Variants in CELF2 observed in about 807,000 individuals in gnomAD.
The protein encoded by CELF2 is CUGBP Elav-like family member 2.
In CELF2, 8 loss-of-function variants were observed where a neutral mutation model predicts 62.6. The observed-to-expected ratio is 0.13, with a 90% CI of 0.07 to 0.23. The LOEUF is 0.23. Among genes scored for constraint, CELF2 ranks in the 10% least tolerant of loss-of-function variants. The probability of loss-of-function intolerance (pLI) is 1.00; values close to 1 mark genes in which losing one functional copy is unlikely to be tolerated. For synonymous variants in CELF2, 258 were observed against 250.0 expected, an observed-to-expected ratio of 1.03 and a Z score of -0.30; for missense variants, 333 against 671.0, an observed-to-expected ratio of 0.50 and a Z score of 5.56.
At position 10,824,718 on chromosome 10, in the gene CELF2, G is replaced by A. The variant is rs75380866; in HGVS notation, c.53+25901G>A. Among the ~76,000 whole-genome samples the A allele has an allele frequency of 1.1e-3, 160 of 152,346 alleles. 1 individual carries two copies. In the East Asian group the frequency reaches 0.026, roughly 25 times the overall value. On this transcript the variant is annotated intron_variant, in intron 1 of 13. Transcript: ENST00000636488. The stretch of plus-strand genomic sequence containing the variant: ...GTCTCTGTTGCTGCACAGACTGTGC[G>A]TGAATTGCAGCCAGAGGTCAGCTCA...
the CELF2 span, among the ~76,000 whole-genome samples, chr10:10,750,928 C>A: frequency 6.6e-6 from 1 of 152,234 alleles, no homozygotes; most frequent in Non-Finnish European, 1.5e-5. Flanking sequence ...CCAACTTAGA[C>A]ACTAGCATCT....
At chr10:10,885,332 G>T (rs777839690) in intron 1 of CELF2, among the ~76,000 whole-genome samples, 1 of 151,924 alleles carries the variant, frequency 6.6e-6, no homozygotes, top group Non-Finnish European at 1.5e-5. Context: ...GGAGAAAAAT[G>T]CTTTCTAGAA....
the CELF2 span, among the ~76,000 whole-genome samples, chr10:10,639,282 A>G: frequency 6.6e-6 from 1 of 152,222 alleles, no homozygotes; most frequent in Non-Finnish European, 1.5e-5. Context: ...GGTGCTATCA[A>G]TTATGACAAA....
In CELF2 at chr10:10,956,691, G is replaced by T. The variant is rs548336378; in HGVS notation, c.89+36692G>T. Among the ~76,000 whole-genome samples, 5 of 152,246 alleles carry T rather than the reference G, an allele frequency of 3.3e-5. No homozygotes were observed. The East Asian group carries it at 9.7e-4, about 29-fold the overall frequency. On this transcript the variant is annotated intron_variant, in intron 2 of 13. Coordinates refer to the CELF2 transcript ENST00000636488. ...GCTTGTAATCCCAGTGCTTTAGGAG[G>T]CCAAGCCGGAGGATTGCTTGAAGCC...
chr10:11,042,627 A>G (rs556026411), intron 1 of CELF2, among the ~76,000 whole-genome samples: 5 of 152,256 alleles, frequency 3.3e-5, no homozygotes, highest in Admixed American at 2.6e-4. Context: ...CATCATCACT[A>G]TCTTTTCCAG....
chr10:10,720,696 T>C, the CELF2 span, among the ~76,000 whole-genome samples: 1 of 152,246 alleles, frequency 6.6e-6, no homozygotes, highest in Non-Finnish European at 1.5e-5. Flanking sequence ...TAGGTCTGCC[T>C]ATTTAAACCT....
the CELF2 span, among the ~76,000 whole-genome samples, chr10:10,751,588 G>T: frequency 6.6e-6 from 1 of 152,118 alleles, no homozygotes; most frequent in Non-Finnish European, 1.5e-5. Flanking sequence ...ATGAGGCAGG[G>T]CACTGCATTC....
At chr10:11,254,500 T>G (rs931751105) in intron 4 of CELF2, among the ~76,000 whole-genome samples, 1 of 152,190 alleles carries the variant, frequency 6.6e-6, no homozygotes, top group Admixed American at 6.5e-5. Context: ...TGACCTTGAG[T>G]GATGGCTAGG....
At chr10:11,257,670 A>T in intron 4 of CELF2, 68 bp from the exon 5 acceptor site, 2 of 1,564,094 alleles carry the variant, frequency 1.3e-6, no homozygotes, top group Non-Finnish European at 1.7e-6. Context: ...TTGATGGGGT[A>T]ATGAAGCATT....
At chr10:11,226,309 G>C (rs2066514594) in intron 3 of CELF2, among the ~76,000 whole-genome samples, 1 of 152,256 alleles carries the variant, frequency 6.6e-6, no homozygotes, top group Non-Finnish European at 1.5e-5. Flanking sequence ...CAGTTGGGTA[G>C]AACCAGTATG....
chr10:11,023,035 T>C (rs899113476), intron 1 of CELF2, among the ~76,000 whole-genome samples: 16 of 152,342 alleles, frequency 1.1e-4, no homozygotes, highest in South Asian at 2.1e-4. Flanking sequence ...CCAAACTTAA[T>C]AGGTCATTAT....
intron 5 of CELF2, among the ~76,000 whole-genome samples, chr10:11,262,907 C>T (rs1427318803): frequency 7.9e-6 from 1 of 126,018 alleles, no homozygotes; most frequent in African/African-American, 3.0e-5. Context: ...GCAAGAGGCC[C>T]TGGCATTGTT....
chr10:10,925,443 C>T (rs1414690652), intron 2 of CELF2, among the ~76,000 whole-genome samples: 1 of 151,910 alleles, frequency 6.6e-6, no homozygotes, highest in Non-Finnish European at 1.5e-5. Context: ...ACACTTAGTG[C>T]GTGCTGTACC....
At chr10:11,006,019 T>A (rs1329070413) in intron 1 of CELF2, among the ~76,000 whole-genome samples, 1 of 152,198 alleles carries the variant, frequency 6.6e-6, no homozygotes, top group African/African-American at 2.4e-5. Context: ...AATATTTGTT[T>A]CCTGCCTCTG....
At chr10:10,587,482 A>G in the CELF2 span, among the ~76,000 whole-genome samples, 1 of 152,322 alleles carries the variant, frequency 6.6e-6, no homozygotes, top group South Asian at 2.1e-4. Flanking sequence ...AGTGTTCAGA[A>G]GCCTTCCCAA....
the CELF2 span, among the ~76,000 whole-genome samples, chr10:10,723,252 A>G: frequency 2.0e-5 from 3 of 152,220 alleles, no homozygotes; most frequent in Non-Finnish European, 4.4e-5. Context: ...GTGAGTATAA[A>G]GAATGAGTCT....
the CELF2 span, among the ~76,000 whole-genome samples, chr10:10,709,511 T>C: frequency 6.6e-6 from 1 of 152,226 alleles, no homozygotes; most frequent in Non-Finnish European, 1.5e-5. Flanking sequence ...GTACTTCTTT[T>C]CTATGAAAGA....
At chr10:10,740,725 T>C in the CELF2 span, among the ~76,000 whole-genome samples, 2 of 152,376 alleles carry the variant, frequency 1.3e-5, no homozygotes, top group African/African-American at 4.8e-5. Flanking sequence ...GTATATATCA[T>C]ACACACTCAA....
At chr10:10,497,134 G>A in the CELF2 span, among the ~76,000 whole-genome samples, 4 of 150,964 alleles carry the variant, frequency 2.6e-5, no homozygotes, top group Non-Finnish European at 5.9e-5. Context: ...GCAATGAGCC[G>A]AGATCGCGCC....
Sources: gnomAD v4.1 joint callset for allele counts (sites outside exome capture counted in the v4.1 genomes callset) on GRCh38, gnomAD v4.1.1 for gene constraint, MANE v1.5 for transcripts, NCBI Gene and HGNC (gene_info 2026-07-23, HGNC 2026-07-21) for gene names.